Variants in RYR2 observed in about 807,000 individuals in gnomAD.
The protein encoded by RYR2 is ryanodine receptor 2.
Under a neutral mutation model 601.1 loss-of-function variants are expected in RYR2, and 227 were observed. The ratio of observed to expected loss-of-function variants is 0.38; its 90% CI spans 0.34 to 0.42. The LOEUF is 0.42. Ranked by LOEUF, RYR2 falls within the 10% of genes least tolerant of loss-of-function variation. RYR2 has a pLI of 1.00. For missense variants in RYR2, 4,646 were observed against 6,156.5 expected (o/e 0.75, Z 8.21); for synonymous variants, 2,223 against 2,175.1 (o/e 1.02, Z -0.61).
intron 1 of RYR2, among the ~76,000 whole-genome samples, chr1:237,227,997 T>C (rs1217596093): frequency 6.6e-6 from 1 of 152,056 alleles, no homozygotes; most frequent in Non-Finnish European, 1.5e-5. Context: ...TTCCATAGGT[T>C]TTTGGGGAAC....
chr1:237,333,585 T>G (rs1368009981), intron 3 of RYR2: 1 of 455,868 alleles, frequency 2.2e-6, no homozygotes, highest in African/African-American at 2.0e-5. Context: ...ATTTTCCACT[T>G]AACCATTTTA....
chr1:237,264,117 A>T (rs555556810), intron 1 of RYR2, among the ~76,000 whole-genome samples: 1 of 151,784 alleles, frequency 6.6e-6, no homozygotes, highest in African/African-American at 2.4e-5. Context: ...ACACACACAC[A>T]GGTGCATACA....
At chr1:237,709,226 A>T in intron 69 of RYR2, 128 bp downstream of exon 69, 1 of 903,464 alleles carries the variant, frequency 1.1e-6, no homozygotes, top group Non-Finnish European at 1.6e-6. Context: ...TTAACTGTTT[A>T]TAGGCAAGTT....
In RYR2 at chr1:237,209,495, A is replaced by ATGTGTGTGTGTGTGTGTG. The variant is rs1227902374; in HGVS notation, c.49-61001_49-61000insGTGTGTGTGTGTGTGTGT. On this transcript the variant is annotated intron_variant, in intron 1 of 104. Transcript: ENST00000366574. ...TTATGGTACAGTGTAAAATCTGCAT[A>ATGTGTGTGTGTGTGTGTG]TATGTGTGTGTGTGTGTGTATTTTT... Among the ~76,000 whole-genome samples the ATGTGTGTGTGTGTGTGTG allele has an allele frequency of 7.6e-5, 3 of 39,292 alleles. No individual in the cohort carries two copies. The Admixed American group carries it at 1.1e-3, about 15-fold the overall frequency. 25.8% of individuals were successfully genotyped at this position (39,292 alleles called of 152,430 possible). A position where few individuals can be genotyped will look rare whatever the true frequency, so the allele number is the denominator to read the frequency against.
At chr1:237,770,182 C>T (rs950880170) in intron 84 of RYR2, among the ~76,000 whole-genome samples, 2 of 152,170 alleles carry the variant, frequency 1.3e-5, no homozygotes, top group African/African-American at 4.8e-5. Flanking sequence ...GCCATTTCCT[C>T]CTCCTATGGA....
At chr1:237,764,069 T>G (rs1404573921) in intron 84 of RYR2, among the ~76,000 whole-genome samples, 1 of 152,216 alleles carries the variant, frequency 6.6e-6, no homozygotes, top group Admixed American at 6.5e-5. Context: ...TGCCCACTGT[T>G]TTTATTAAGC....
intron 17 of RYR2, among the ~76,000 whole-genome samples, chr1:237,474,633 GC>G (rs1314869942): frequency 6.0e-4 from 91 of 152,138 alleles, no homozygotes; most frequent in African/African-American, 2.1e-3. Context: ...TGCCCATGTT[GC>G]CCCATTCTGG....
At chr1:237,108,446 A>C (rs1435454724) in intron 1 of RYR2, among the ~76,000 whole-genome samples, 2 of 152,220 alleles carry the variant, frequency 1.3e-5, no homozygotes, top group East Asian at 3.9e-4. Context: ...TCCTGGAATG[A>C]GGCTGATGTA....
At chr1:237,303,747 T>C (rs528075201) in intron 2 of RYR2, among the ~76,000 whole-genome samples, 4 of 152,364 alleles carry the variant, frequency 2.6e-5, no homozygotes, top group Non-Finnish European at 4.4e-5. Flanking sequence ...TGCAATCACA[T>C]TGAGAGGTTT....
intron 12 of RYR2, among the ~76,000 whole-genome samples, chr1:237,438,094 T>C (rs544425756): frequency 6.6e-6 from 1 of 152,320 alleles, no homozygotes; most frequent in Admixed American, 6.5e-5. Flanking sequence ...AATTCCAATC[T>C]GATGCTAAGC....
At chr1:237,388,572 C>A (rs1193805966) in intron 10 of RYR2, among the ~76,000 whole-genome samples, 1 of 152,104 alleles carries the variant, frequency 6.6e-6, no homozygotes, top group Admixed American at 6.6e-5. Flanking sequence ...AAATTGCGTA[C>A]AATTTTAGGA....
At chr1:237,661,887 C>A (rs572134977) in intron 56 of RYR2, among the ~76,000 whole-genome samples, 1 of 152,208 alleles carries the variant, frequency 6.6e-6, no homozygotes, top group Middle Eastern at 3.4e-3. Flanking sequence ...GGGAGGACAC[C>A]AAATACCACC....
chr1:237,560,941 G>C (rs781487185), intron 27 of RYR2, among the ~76,000 whole-genome samples: 7 of 152,274 alleles, frequency 4.6e-5, no homozygotes, highest in Middle Eastern at 3.4e-3. Context: ...GTTTTCTGGC[G>C]AACTCAGCAG....
Position 237,266,636 on chromosome 1 carries a change from CA to C in RYR2, c.49-3857del, listed in dbSNP as rs1258107024. On this transcript the variant is annotated intron_variant, in intron 1 of 104. Coordinates refer to ENST00000366574, the MANE Select transcript of RYR2 (RefSeq NM_001035.3). ...TGTTCAGTATATTTTACTTTCTGTC[CA>C]AAAGGAACCTTTTGATTACTGGAAA... 5.3e-5 allele frequency among the ~76,000 whole-genome samples: 8 copies of C among 152,076 alleles called. No homozygotes were observed. In the East Asian group the frequency reaches 1.5e-3, roughly 29 times the overall value.
chr1:237,199,208 A>G (rs1386590161), intron 1 of RYR2, among the ~76,000 whole-genome samples: 1 of 152,200 alleles, frequency 6.6e-6, no homozygotes, highest in Admixed American at 6.5e-5. Context: ...AGATGTATAT[A>G]TGAAGGGGAA....
chr1:237,694,275 C>T (rs968589627), intron 63 of RYR2, among the ~76,000 whole-genome samples: 5 of 141,820 alleles, frequency 3.5e-5, no homozygotes, highest in Non-Finnish European at 7.5e-5. Context: ...GCCTGGGCGA[C>T]ACGGCGAGAC....
intron 76 of RYR2, among the ~76,000 whole-genome samples, chr1:237,729,319 G>A (rs1390015906): frequency 6.6e-6 from 1 of 152,194 alleles, no homozygotes; most frequent in East Asian, 1.9e-4. Context: ...CCCAGCATGT[G>A]TGCTACTTAA....
At chr1:237,578,693 A>G (rs7522059) in intron 29 of RYR2, among the ~76,000 whole-genome samples, 251 of 150,982 alleles carry the variant, frequency 1.7e-3, no homozygotes, top group East Asian at 2.6e-3. Flanking sequence ...AAGGTCTCTC[A>G]CCCATTCTGC....
chr1:237,721,644 G>A (rs1054164519), intron 73 of RYR2, among the ~76,000 whole-genome samples: 1 of 151,938 alleles, frequency 6.6e-6, no homozygotes, highest in Admixed American at 6.6e-5. Flanking sequence ...TCAGCCTCCC[G>A]AGTAGCTGTG....
Sources: allele counts gnomAD v4.1 joint callset (sites outside exome capture counted in the v4.1 genomes callset), GRCh38; gene constraint gnomAD v4.1.1; transcripts MANE v1.5; gene names NCBI Gene and HGNC (gene_info 2026-07-23, HGNC 2026-07-21).